Variants in RERG observed in about 807,000 individuals in gnomAD.
RERG encodes RAS like estrogen regulated growth inhibitor.
A neutral mutation model predicts 23.2 loss-of-function variants in RERG; 25 were observed. That is an observed-to-expected ratio of 1.08 (90% CI 0.79 to 1.50). The LOEUF (loss-of-function observed/expected upper bound fraction) is 1.50, where lower values mean the gene tolerates loss of function less well. Ranked by LOEUF, RERG falls within the 40% of genes most tolerant of loss-of-function variation. The pLI is 0.00. For missense variants in RERG, 253 were observed against 250.1 expected, an observed-to-expected ratio of 1.01 and a Z score of -0.08; for synonymous variants, 81 against 89.1, an observed-to-expected ratio of 0.91 and a Z score of 0.51.
intron 2 of RERG, among the ~76,000 whole-genome samples, chr12:15,131,769 A>T (rs1463097215): frequency 6.6e-6 from 1 of 152,170 alleles, no homozygotes; most frequent in East Asian, 1.9e-4. Flanking sequence ...TTTCCTGTCC[A>T]TATGGACACA....
intron 2 of RERG, among the ~76,000 whole-genome samples, chr12:15,123,605 A>G (rs1026395014): frequency 1.8e-4 from 26 of 145,890 alleles, no homozygotes; most frequent in Non-Finnish European, 3.4e-4. Context: ...TGTATAATTT[A>G]TTAAATTTAT....
chr12:15,163,740 G>T (rs77129314), intron 2 of RERG, among the ~76,000 whole-genome samples: 4 of 152,170 alleles, frequency 2.6e-5, no homozygotes, highest in African/African-American at 9.7e-5. Context: ...GGTAACCAGA[G>T]CCCAGCATCT....
At chr12:15,109,728 CTAATT>C (rs143944002) in intron 4 of RERG, among the ~76,000 whole-genome samples, 2,556 of 152,178 alleles carry the variant, frequency 0.017, 28 homozygotes, top group Non-Finnish European at 0.026. Flanking sequence ...TGAATATTTT[CTAATT>C]TAATAGATTT....
At chr12:15,201,852 A>C (rs1293909134) in intron 2 of RERG, among the ~76,000 whole-genome samples, 1 of 151,674 alleles carries the variant, frequency 6.6e-6, no homozygotes, top group Admixed American at 6.6e-5. Context: ...ACAGCAGAGG[A>C]GACTAGGGTT....
intron 2 of RERG, among the ~76,000 whole-genome samples, chr12:15,141,641 T>C (rs540329881): frequency 5.3e-5 from 8 of 152,338 alleles, no homozygotes; most frequent in African/African-American, 1.9e-4. Flanking sequence ...TCTGTCTCTT[T>C]CCAGGTTTCA....
At chr12:15,210,756 A>G (rs1419764448) in intron 2 of RERG, among the ~76,000 whole-genome samples, 1 of 152,192 alleles carries the variant, frequency 6.6e-6, no homozygotes. Context: ...CTTGGGGTAG[A>G]AAAAACAAAT....
At position 15,121,073 on chromosome 12, in the gene RERG, A is replaced by T. The variant is rs753830351; in HGVS notation, c.108T>A (p.Asp36Glu). The T allele has an allele frequency of 8.1e-6, 13 of 1,612,488 alleles. No individual in the cohort carries two copies. The highest frequency in any genetic ancestry group is 1.6e-4 in the Middle Eastern group (1 of 6,080). Residue 36 changes from aspartate (D) to glutamate (E), a missense_variant, in exon 3 of 5, where the codon GAT becomes GAA. By Grantham distance (45) the Asp-to-Glu change is conservative. Transcript: ENST00000256953. ...FLTKRFIWEY[D>E]PTLESTYRHQ... The stretch of plus-strand genomic sequence containing the variant: ...CAAAATTTGACCTACCGAGGGTGGG[A>T]TCATATTCCCAGATGAACCGTTTGG...
At chr12:15,112,077 G>T (rs1863630186) in intron 3 of RERG, among the ~76,000 whole-genome samples, 1 of 152,096 alleles carries the variant, frequency 6.6e-6, no homozygotes, top group Non-Finnish European at 1.5e-5. Context: ...AATTGAGAAG[G>T]TGATTTTCAC....
intron 2 of RERG, among the ~76,000 whole-genome samples, chr12:15,196,252 C>A (rs1487357147): frequency 6.6e-6 from 1 of 152,142 alleles, no homozygotes; most frequent in Non-Finnish European, 1.5e-5. Context: ...TTGCCCATCC[C>A]TGTTTAACAG....
intron 2 of RERG, 111 bp from the exon 3 acceptor site, chr12:15,121,230 T>G (rs1591635375): frequency 1.4e-6 from 1 of 716,766 alleles, no homozygotes; most frequent in East Asian, 2.8e-5. Context: ...TGCTTTATAT[T>G]TCCTTGATAT....
intron 2 of RERG, among the ~76,000 whole-genome samples, chr12:15,148,888 A>AGG (rs1864386751): frequency 2.6e-5 from 1 of 37,972 alleles, no homozygotes; most frequent in African/African-American, 8.9e-5. Context: ...TTTTTTTTTT[A>AGG]GACAGAGTCT....
chr12:15,215,627 GGA>G (rs1256629693), intron 2 of RERG, among the ~76,000 whole-genome samples: 14 of 152,048 alleles, frequency 9.2e-5, no homozygotes, highest in African/African-American at 3.1e-4. Context: ...GCAATGAATG[GGA>G]GAGTTAAAAA....
chr12:15,132,151 C>T (rs1447044339), intron 2 of RERG, among the ~76,000 whole-genome samples: 1 of 152,008 alleles, frequency 6.6e-6, no homozygotes, highest in Non-Finnish European at 1.5e-5. Flanking sequence ...CCAAGATGAA[C>T]TAGGAGGATG....
intron 2 of RERG, among the ~76,000 whole-genome samples, chr12:15,205,423 C>T (rs1865269877): frequency 6.6e-6 from 1 of 151,960 alleles, no homozygotes; most frequent in Admixed American, 6.6e-5. Flanking sequence ...GATTTTACCT[C>T]TTTTGGAGAA....
At chr12:15,215,308 C>T (rs1026465031) in intron 2 of RERG, among the ~76,000 whole-genome samples, 12 of 152,116 alleles carry the variant, frequency 7.9e-5, no homozygotes, top group East Asian at 1.9e-4. Flanking sequence ...GGAGTAAGGA[C>T]GCAAGAGGAT....
chr12:15,213,426 G>A (rs1865395993), intron 2 of RERG, among the ~76,000 whole-genome samples: 1 of 152,316 alleles, frequency 6.6e-6, no homozygotes. Context: ...GCCAATGAAA[G>A]TAAATGTTTA....
intron 2 of RERG, among the ~76,000 whole-genome samples, chr12:15,194,620 A>C (rs1865118009): frequency 6.6e-6 from 1 of 152,050 alleles, no homozygotes; most frequent in South Asian, 2.1e-4. Flanking sequence ...GGTGTTGCTT[A>C]AAATCTTGGA....
chr12:15,121,219 A>C, intron 2 of RERG, 100 bp from the exon 3 acceptor site: 1 of 776,230 alleles, frequency 1.3e-6, no homozygotes, highest in Non-Finnish European at 2.1e-6. Context: ...AACCCTATAA[A>C]TGCTTTATAT....
intron 2 of RERG, among the ~76,000 whole-genome samples, chr12:15,184,999 T>C (rs936649847): frequency 2.0e-5 from 3 of 152,192 alleles, no homozygotes; most frequent in African/African-American, 4.8e-5. Flanking sequence ...GACTAAGCAC[T>C]GCATAAATAG....
Sources: allele counts gnomAD v4.1 joint callset (sites outside exome capture counted in the v4.1 genomes callset), GRCh38; gene constraint gnomAD v4.1.1; transcripts MANE v1.5; gene names NCBI Gene and HGNC (gene_info 2026-07-23, HGNC 2026-07-21).